Variants in DAZAP1 observed in about 807,000 individuals in gnomAD.
DAZAP1 encodes DAZ associated protein 1, also known as DAZ-associated protein 1.
In DAZAP1, 6 loss-of-function variants were observed where a neutral mutation model predicts 60.1. The ratio of observed to expected loss-of-function variants is 0.10; its 90% CI spans 0.05 to 0.20. The LOEUF (loss-of-function observed/expected upper bound fraction) is 0.20. Among genes scored for constraint, DAZAP1 ranks in the 10% least tolerant of loss-of-function variants. DAZAP1 has a pLI of 1.00. For missense variants in DAZAP1, 366 were observed against 560.4 expected (o/e 0.65, Z 3.50); for synonymous variants, 235 against 215.9 (o/e 1.09, Z -0.78).
intron 1 of DAZAP1, chr19:1,409,900 C>T (rs1038089704): frequency 6.6e-6 from 1 of 152,360 alleles, no homozygotes; most frequent in East Asian, 1.9e-4. Context: ...TGATGCAGAG[C>T]CCTCACTGCT....
chr19:1,409,496 G>T (rs1354638961), intron 1 of DAZAP1, among the ~76,000 whole-genome samples: 1 of 152,212 alleles, frequency 6.6e-6, no homozygotes, highest in African/African-American at 2.4e-5. Context: ...CCACCCGGAC[G>T]CCACGGGCTG....
intron 1 of DAZAP1, among the ~76,000 whole-genome samples, chr19:1,409,320 G>C (rs1024484996): frequency 3.9e-5 from 6 of 152,194 alleles, no homozygotes; most frequent in Non-Finnish European, 5.9e-5. Context: ...CATTCAAGCC[G>C]CGGGTGAACG....
At position 1,433,324 on chromosome 19, in the gene DAZAP1, C is replaced by G. The variant is rs938509335; in HGVS notation, c.1048+634C>G. The G allele has an allele frequency of 4.4e-4, 108 of 247,314 alleles. No individual in the cohort carries two copies. Among genetic ancestry groups the G allele is most frequent in the African/African-American group, 2.3e-3 (102 of 43,852 alleles). The allele number at this position is 247,314 out of a possible 1,614,324, so 15.3% of individuals were successfully genotyped here. A position where few individuals can be genotyped will look rare whatever the true frequency, so the allele number is the denominator to read the frequency against. ...GAGTCACAGCAGCCTTGCTCAGGACCAACGCGGTGGCCTCAGTGGGCAGGG... is the reference window on the plus strand; with the variant it reads ...GAGTCACAGCAGCCTTGCTCAGGACGAACGCGGTGGCCTCAGTGGGCAGGG... On this transcript the variant is annotated intron_variant, in intron 11 of 11. Coordinates refer to ENST00000233078, the MANE Select transcript of DAZAP1 (RefSeq NM_018959.4). This position sits in a 1 kb window ranked among gnomAD's most constrained non-coding sequence, Gnocchi z 6.1.
intron 1 of DAZAP1, among the ~76,000 whole-genome samples, chr19:1,413,128 C>T (rs2082876423): frequency 6.6e-6 from 1 of 152,240 alleles, no homozygotes; most frequent in South Asian, 2.1e-4. Flanking sequence ...CCGTTAACGT[C>T]CTCAGTCCAC....
At chr19:1,417,772 G>C (rs1447156052) in intron 2 of DAZAP1, among the ~76,000 whole-genome samples, 1 of 152,166 alleles carries the variant, frequency 6.6e-6, no homozygotes, top group South Asian at 2.1e-4. Context: ...TCCTAGCTCC[G>C]GGCTGAGGTG....
In DAZAP1 at chr19:1,430,236, C is replaced by A. The variant is rs762090292; in HGVS notation, c.745C>A (p.Pro249Thr). ...GTGTGTTTCAGGTGGCTATGGACCG[C>A]CCCCTGCAGGAAGAGGAGCCCCCCC... The part of the protein sequence containing the change: ...AGQAIGGYGP[P>T]PAGRGAPPPP... Residue 249 changes from proline to threonine, a missense_variant, in exon 10 of 12, where the codon CCC (proline) becomes ACC (threonine). Physicochemically the swap from Pro to Thr is conservative, Grantham distance 38. This residue lies in a region of DAZAP1 where 240 missense variants were observed against 308.8 expected (regional missense o/e 0.78). Transcript: ENST00000233078. 4.5e-5 allele frequency: 71 copies of A among 1,573,790 alleles called. 1 individual carries two copies. In the East Asian group the frequency reaches 1.6e-3, roughly 35 times the overall value.
Position 1,430,305 on chromosome 19 carries a change from G to A in DAZAP1, c.814G>A (p.Gly272Arg). ...CTCCTACATCGTGTCCACCCCTCCT[G>A]GAGGCTTTCCCCCTCCCCAGGGCTT... is the stretch of plus-strand genomic sequence containing the variant. Reference protein sequence around the residue: ...FTSYIVSTPPGGFPPPQGFPQ... With the variant: ...FTSYIVSTPPRGFPPPQGFPQ... The change falls in exon 10 of 12, where the codon GGA becomes AGA. Residue 272 changes from glycine (G) to arginine (R), a missense_variant. This residue lies in a region of DAZAP1 where 240 missense variants were observed against 308.8 expected (regional missense o/e 0.78). Transcript: ENST00000233078. The A allele has an allele frequency of 6.5e-7, 1 of 1,545,582 alleles. No individual in the cohort carries two copies. The highest frequency in any genetic ancestry group is 8.7e-7 in the Non-Finnish European group (1 of 1,144,996).
intron 5 of DAZAP1, among the ~76,000 whole-genome samples, chr19:1,421,677 C>T (rs556614662): frequency 7.2e-5 from 11 of 152,376 alleles, no homozygotes; most frequent in African/African-American, 2.6e-4. Flanking sequence ...GGAGCTGGGA[C>T]AGCCGGAGGG....
intron 1 of DAZAP1, among the ~76,000 whole-genome samples, chr19:1,408,749 G>A (rs1197008053): frequency 6.6e-6 from 1 of 152,232 alleles, no homozygotes; most frequent in Non-Finnish European, 1.5e-5. Context: ...AGCCTGACCT[G>A]CTCCGGACCC....
rs375861829 is a variant in DAZAP1 at position 1,418,939 on chromosome 19, GA to G, written c.303+218del. On this transcript the variant is annotated intron_variant, in intron 4 of 11. Transcript: ENST00000233078. The surrounding 1 kb of genome is among the most constrained non-coding windows in gnomAD (Gnocchi z 5.7). Reference sequence around the variant, plus strand: ...AAAATTCTTACTAATCTATCTTAGGGAAAAAAAAAATGACAGCTCATGCCAC... The same window carrying G: ...AAAATTCTTACTAATCTATCTTAGGGAAAAAAAAATGACAGCTCATGCCAC... Among the ~76,000 whole-genome samples, 109 of 149,686 alleles carry G rather than the reference GA, an allele frequency of 7.3e-4. No homozygotes were observed. Among genetic ancestry groups the G allele is most frequent in the African/African-American group, 2.4e-3 (100 of 40,856 alleles).
chr19:1,408,951 C>T (rs891743931), intron 1 of DAZAP1, among the ~76,000 whole-genome samples: 2 of 152,232 alleles, frequency 1.3e-5, no homozygotes, highest in African/African-American at 4.8e-5. Flanking sequence ...GTGTTCTCAG[C>T]GCTGGGCTTG....
intron 5 of DAZAP1, 93 bp downstream of exon 5, chr19:1,421,351 G>A (rs2083150339): frequency 9.2e-7 from 1 of 1,085,652 alleles, no homozygotes; most frequent in Non-Finnish European, 1.4e-6. Flanking sequence ...CGAGCCACAG[G>A]TGCACGGGCC....
At chr19:1,417,287 C>G in intron 1 of DAZAP1, 1 of 623,038 alleles carries the variant, frequency 1.6e-6, no homozygotes. Flanking sequence ...GGTCCTCTCC[C>G]CATGGCAAGG....
intron 5 of DAZAP1, among the ~76,000 whole-genome samples, chr19:1,421,726 C>T (rs1025331684): frequency 1.3e-5 from 2 of 152,188 alleles, no homozygotes; most frequent in Non-Finnish European, 2.9e-5. Context: ...AAGGCAGGGG[C>T]GTGTGGTCAC....
In DAZAP1 at chr19:1,425,679, G is replaced by A. The variant is rs537491524; in HGVS notation, c.464-199G>A. On this transcript the variant is annotated intron_variant, in intron 6 of 11. Coordinates refer to ENST00000233078, the MANE Select transcript of DAZAP1 (RefSeq NM_018959.4). The surrounding 1 kb of genome is among the most constrained non-coding windows in gnomAD (Gnocchi z 5.4). ...CAGAGCCGTCACCGGGAGTGCGGAC[G>A]TCACCGTCTGTCCACTCCGTGTGCA... Among the ~76,000 whole-genome samples, 54 of 152,330 alleles carry A rather than the reference G, an allele frequency of 3.5e-4. 1 individual carries two copies. Among genetic ancestry groups the A allele is most frequent in the African/African-American group, 1.3e-3 (53 of 41,572 alleles).
In DAZAP1 at chr19:1,432,074, G is replaced by C. The variant is rs1390506712; in HGVS notation, c.872-440G>C. ...CCTGATATCCAGCAACAGAGGGCAAGGGCGGCAGCACCTCCAGCATGACAG... is the reference window on the plus strand; with the variant it reads ...CCTGATATCCAGCAACAGAGGGCAACGGCGGCAGCACCTCCAGCATGACAG... On this transcript the variant is annotated intron_variant, in intron 10 of 11. Transcript: ENST00000233078. This position sits in a 1 kb window ranked among gnomAD's most constrained non-coding sequence, Gnocchi z 4.9. The C allele has an allele frequency of 5.6e-6, 1 of 180,134 alleles. No homozygotes were observed. Among genetic ancestry groups the C allele is most frequent in the Non-Finnish European group, 1.2e-5 (1 of 84,576 alleles). 11.2% of individuals were successfully genotyped at this position (180,134 alleles called of 1,614,324 possible).
rs190268975 is a variant in DAZAP1, at chr19:1,434,011, G to A, written c.1049-726G>A. On this transcript the variant is annotated intron_variant, in intron 11 of 11. Transcript: ENST00000233078. This position sits in a 1 kb window ranked among gnomAD's most constrained non-coding sequence, Gnocchi z 8.0. ...CCAGGATCCCCCAGAGAGAGCCCAC[G>A]CCCACCTGTGCCCACGTGCACCCGA... The A allele has an allele frequency of 8.3e-6, 5 of 603,884 alleles. No homozygotes were observed. The highest frequency in any genetic ancestry group is 1.2e-5 in the Non-Finnish European group (4 of 341,914). 37.4% of individuals were successfully genotyped at this position (603,884 alleles called of 1,614,324 possible). A position where few individuals can be genotyped will look rare whatever the true frequency, so the allele number is the denominator to read the frequency against.
At chr19:1,413,959 C>T (rs2082900057) in intron 1 of DAZAP1, among the ~76,000 whole-genome samples, 2 of 151,696 alleles carry the variant, frequency 1.3e-5, no homozygotes, top group African/African-American at 2.4e-5. Flanking sequence ...CCCTTTGGCA[C>T]GTGGTGCCTC....
rs2083525450 is a variant in DAZAP1, at chr19:1,433,950, CG to C, written c.1049-785del. Reference sequence around the variant, plus strand: ...GTGCCCTCTGGGAAGGGGCCCTTGCCGGTGCCAAGACATTGGCCACAAGCCT... The same window carrying C: ...GTGCCCTCTGGGAAGGGGCCCTTGCCGTGCCAAGACATTGGCCACAAGCCT... On this transcript the variant is annotated intron_variant, in intron 11 of 11. Coordinates refer to ENST00000233078, the MANE Select transcript of DAZAP1 (RefSeq NM_018959.4). This position sits in a 1 kb window ranked among gnomAD's most constrained non-coding sequence, Gnocchi z 6.1. 1 of 850,794 alleles carries C rather than the reference CG, an allele frequency of 1.2e-6. No individual in the cohort carries two copies. Among genetic ancestry groups the C allele is most frequent in the Non-Finnish European group, 1.9e-6 (1 of 535,698 alleles). The allele number at this position is 850,794 out of a possible 1,614,324, so 52.7% of individuals were successfully genotyped here.
Sources: allele counts gnomAD v4.1 joint callset (sites outside exome capture counted in the v4.1 genomes callset), GRCh38; gene constraint gnomAD v4.1.1; regional missense constraint gnomAD v4.1.1; non-coding constraint Gnocchi (gnomAD v3.1); transcripts MANE v1.5; gene names NCBI Gene and HGNC (gene_info 2026-07-23, HGNC 2026-07-21).